Variants in SLC2A13 observed in about 807,000 individuals in gnomAD.
SLC2A13 encodes the protein proton myo-inositol cotransporter.
SLC2A13 carries 32 observed loss-of-function variants against 64.4 expected under a neutral mutation model. The observed-to-expected ratio is 0.50, with a 90% CI of 0.37 to 0.67. The LOEUF is 0.67. SLC2A13 is among the 30% of genes least tolerant of loss of function. The pLI, the probability that SLC2A13 is intolerant of heterozygous loss-of-function variation, is 0.00. For missense variants in SLC2A13, 743 were observed against 829.2 expected, an observed-to-expected ratio of 0.90 and a Z score of 1.28; for synonymous variants, 338 against 327.1, an observed-to-expected ratio of 1.03 and a Z score of -0.36.
intron 6 of SLC2A13, among the ~76,000 whole-genome samples, chr12:39,832,807 A>G (rs1156407961): frequency 1.3e-5 from 2 of 151,954 alleles, no homozygotes; most frequent in African/African-American, 4.8e-5. Flanking sequence ...ATTCCATTAT[A>G]CCCATCTGGT....
At chr12:40,082,798 C>T (rs1938456081) in intron 1 of SLC2A13, among the ~76,000 whole-genome samples, 4 of 152,196 alleles carry the variant, frequency 2.6e-5, no homozygotes, top group African/African-American at 7.2e-5. Context: ...AGTGAAGATA[C>T]TAGAGGTCTG....
chr12:39,971,997 A>ATAT (rs1555144633), intron 3 of SLC2A13, among the ~76,000 whole-genome samples: 21 of 77,350 alleles, frequency 2.7e-4, no homozygotes, highest in African/African-American at 8.7e-4. Flanking sequence ...AAAAAAAAAA[A>ATAT]ATATATATAT....
intron 7 of SLC2A13, among the ~76,000 whole-genome samples, chr12:39,807,743 A>G (rs1254514296): frequency 6.6e-6 from 1 of 152,152 alleles, no homozygotes; most frequent in Non-Finnish European, 1.5e-5. Flanking sequence ...CCTTTCAATT[A>G]TAATAATTAT....
At position 39,759,998 on chromosome 12, in the gene SLC2A13, A is replaced by T. The variant is rs753529366; in HGVS notation, c.*28T>A. ...TGTTCTTCTCCCCCCAGTTTGTTTA[A>T]ATAACTAAATATATGAGCAGCTGAA... On this transcript the variant is annotated 3_prime_UTR_variant, in exon 10 of 10. Coordinates refer to ENST00000280871, the MANE Select transcript of SLC2A13 (RefSeq NM_052885.4). 1.9e-6 allele frequency: 3 copies of T among 1,578,212 alleles called. No individual in the cohort carries two copies. In the African/African-American group the frequency reaches 4.1e-5, roughly 21 times the overall value.
chr12:40,099,360 A>G (rs1311230097), intron 1 of SLC2A13, among the ~76,000 whole-genome samples: 1 of 152,212 alleles, frequency 6.6e-6, no homozygotes, highest in Non-Finnish European at 1.5e-5. Context: ...TGTACAAAGG[A>G]GCCAAGTACA....
intron 6 of SLC2A13, among the ~76,000 whole-genome samples, chr12:39,859,333 GAAAAA>G (rs34726316): frequency 1.6e-5 from 1 of 62,012 alleles, no homozygotes; most frequent in African/African-American, 7.1e-5. Flanking sequence ...TTTTTTTTCT[GAAAAA>G]AAAAAAAAAA....
At chr12:39,766,113 T>C (rs1416285358) in intron 7 of SLC2A13, among the ~76,000 whole-genome samples, 2 of 152,128 alleles carry the variant, frequency 1.3e-5, no homozygotes, top group Non-Finnish European at 2.9e-5. Flanking sequence ...CCTTTTCTGA[T>C]CACAACCACC....
At chr12:39,822,263 T>C (rs1942542840) in intron 7 of SLC2A13, among the ~76,000 whole-genome samples, 1 of 152,088 alleles carries the variant, frequency 6.6e-6, no homozygotes, top group Non-Finnish European at 1.5e-5. Context: ...AGCCAACTGA[T>C]TTTCTTCTTC....
Position 39,951,360 on chromosome 12 carries a change from G to C in SLC2A13, c.931C>G (p.Pro311Ala). 1.9e-6 allele frequency: 3 copies of C among 1,557,018 alleles called. No homozygotes were observed. In the South Asian group the frequency reaches 3.7e-5, roughly 19 times the overall value. Reference sequence around the variant, plus strand: ...TAACTCAGCATTCTGCAGATCACAGGTCCAGCTTTTTTAAGAAAGAAAGAA... The same window carrying C: ...TAACTCAGCATTCTGCAGATCACAGCTCCAGCTTTTTTAAGAAAGAAAGAA... ...EEEKEVGSAG[P>A]VICRMLSYPP... The change falls in exon 4 of 10, where the codon CCT (proline) becomes GCT (alanine). Residue 311 changes from proline to alanine, a missense_variant. Pro to Ala is a conservative substitution (Grantham distance 27). This residue lies in a region of SLC2A13 where 448 missense variants were observed against 447.4 expected (regional missense o/e 1.00). Transcript: ENST00000280871.
chr12:40,105,781 C>G lies in SLC2A13; in HGVS notation c.28G>C (p.Glu10Gln). 2 of 1,487,366 alleles carry G rather than the reference C, an allele frequency of 1.3e-6. No individual in the cohort carries two copies. Among genetic ancestry groups the G allele is most frequent in the Non-Finnish European group, 1.8e-6 (2 of 1,119,010 alleles). 92.1% of individuals were successfully genotyped at this position (1,487,366 alleles called of 1,614,324 possible). The change falls in exon 1 of 10, where the codon GAG (glutamate) becomes CAG (glutamine). Residue 10 changes from glutamate (E) to glutamine (Q), a missense_variant. This residue lies in a region of SLC2A13 where 448 missense variants were observed against 447.4 expected (regional missense o/e 1.00). Coordinates refer to ENST00000280871, the MANE Select transcript of SLC2A13 (RefSeq NM_052885.4). This position sits in a 1 kb window ranked among gnomAD's most constrained non-coding sequence, Gnocchi z 4.2. MSRKASENV[E>Q]YTLRSLSSLM... ...CTGCTCAGGCTCCGCAGCGTGTACT[C>G]CACATTCTCGCTTGCCTTGCGGGAC...
chr12:39,865,943 G>C (rs1399643144), intron 5 of SLC2A13, among the ~76,000 whole-genome samples: 1 of 152,050 alleles, frequency 6.6e-6, no homozygotes, highest in African/African-American at 2.4e-5. Context: ...TTATTATCTG[G>C]GTGACAAAAT....
intron 1 of SLC2A13, among the ~76,000 whole-genome samples, chr12:40,096,501 T>C (rs1179055975): frequency 6.6e-6 from 1 of 151,498 alleles, no homozygotes; most frequent in Non-Finnish European, 1.5e-5. Flanking sequence ...TCAATATAGA[T>C]AAGAAAAAAA....
chr12:39,895,306 C>T (rs999961812), intron 4 of SLC2A13, among the ~76,000 whole-genome samples: 4 of 151,216 alleles, frequency 2.6e-5, no homozygotes, highest in East Asian at 1.9e-4. Context: ...CTGGCTAATA[C>T]GGGGAAATCC....
chr12:39,792,811 A>AG (rs1279119033), intron 7 of SLC2A13, among the ~76,000 whole-genome samples: 6 of 151,146 alleles, frequency 4.0e-5, no homozygotes, highest in Non-Finnish European at 7.4e-5. Context: ...ATGAAAAAAA[A>AG]AAACCCCACA....
At chr12:39,955,227 C>A (rs1946295926) in intron 3 of SLC2A13, among the ~76,000 whole-genome samples, 1 of 152,108 alleles carries the variant, frequency 6.6e-6, no homozygotes, top group African/African-American at 2.4e-5. Context: ...AACTGGAAAA[C>A]ATCCCCCAAA....
chr12:40,044,543 C>T (rs1419317477), intron 2 of SLC2A13, among the ~76,000 whole-genome samples: 2 of 151,994 alleles, frequency 1.3e-5, no homozygotes, highest in Non-Finnish European at 2.9e-5. Context: ...ATTTTATTTC[C>T]TCTTTCTTCA....
chr12:39,828,989 A>G (rs923462383), intron 7 of SLC2A13, among the ~76,000 whole-genome samples: 11 of 152,180 alleles, frequency 7.2e-5, no homozygotes, highest in African/African-American at 2.7e-4. Context: ...CTCTAATGAA[A>G]CAATTATTGC....
intron 4 of SLC2A13, among the ~76,000 whole-genome samples, chr12:39,947,089 A>ATT (rs1181878132): frequency 2.0e-5 from 3 of 152,162 alleles, no homozygotes; most frequent in African/African-American, 4.8e-5. Flanking sequence ...TCAGCTCTCT[A>ATT]ACTTGACTCA....
chr12:40,098,975 AC>A (rs1939055258), intron 1 of SLC2A13, among the ~76,000 whole-genome samples: 1 of 152,290 alleles, frequency 6.6e-6, no homozygotes, highest in Non-Finnish European at 1.5e-5. Flanking sequence ...CTCGCTGGTG[AC>A]CAGCTGTCAC....
Sources: allele counts gnomAD v4.1 joint callset (sites outside exome capture counted in the v4.1 genomes callset), GRCh38; gene constraint gnomAD v4.1.1; regional missense constraint gnomAD v4.1.1; non-coding constraint Gnocchi (gnomAD v3.1); transcripts MANE v1.5; gene names NCBI Gene and HGNC (gene_info 2026-07-23, HGNC 2026-07-21).